DLGAP4: variants seen among roughly 807,000 people sequenced by gnomAD.
DLGAP4 encodes DLG associated protein 4, also known as disks large-associated protein 4.
A neutral mutation model predicts 86.9 loss-of-function variants in DLGAP4; 18 were observed. The ratio of observed to expected loss-of-function variants is 0.21; its 90% CI spans 0.14 to 0.31. The LOEUF is 0.31. DLGAP4 is among the 10% of genes least tolerant of loss of function. The probability of loss-of-function intolerance (pLI) is 1.00; values close to 1 mark genes in which losing one functional copy is unlikely to be tolerated. For synonymous variants in DLGAP4, 548 were observed against 574.3 expected, an observed-to-expected ratio of 0.95 and a Z score of 0.65; for missense variants, 1,085 against 1,362.6, an observed-to-expected ratio of 0.80 and a Z score of 3.21.
At chr20:36,327,223 C>T (rs1555891053) in intron 1 of DLGAP4, among the ~76,000 whole-genome samples, 1 of 152,014 alleles carries the variant, frequency 6.6e-6, no homozygotes. Flanking sequence ...TGGTCTTGAA[C>T]TCCTGACCTC....
chr20:36,461,902 T>C (rs1261315648), intron 7 of DLGAP4: 3 of 984,874 alleles, frequency 3.0e-6, no homozygotes, highest in Non-Finnish European at 3.6e-6. Context: ...GCTCCCCATC[T>C]CGGGTCCCCT....
At chr20:36,326,463 C>T (rs1555891008) in intron 1 of DLGAP4, among the ~76,000 whole-genome samples, 1 of 152,124 alleles carries the variant, frequency 6.6e-6, no homozygotes, top group South Asian at 2.1e-4. Flanking sequence ...TATATCAGTT[C>T]ATGTATAGTA....
At chr20:36,338,848 C>T (rs1555892272) in intron 1 of DLGAP4, among the ~76,000 whole-genome samples, 1 of 152,096 alleles carries the variant, frequency 6.6e-6, no homozygotes, top group African/African-American at 2.4e-5. Flanking sequence ...TGACAGCCAC[C>T]CAGGTGAAGA....
chr20:36,418,538 A>G (rs1368383130), intron 2 of DLGAP4, among the ~76,000 whole-genome samples: 2 of 152,156 alleles, frequency 1.3e-5, no homozygotes, highest in African/African-American at 2.4e-5. Context: ...CACAAAGATG[A>G]GTGCTGCGTA....
At chr20:36,359,745 C>G (rs1312538027) in intron 1 of DLGAP4, among the ~76,000 whole-genome samples, 1 of 152,214 alleles carries the variant, frequency 6.6e-6, no homozygotes, top group African/African-American at 2.4e-5. Context: ...TGAGAGACTG[C>G]ACAGGCTGTT....
chr20:36,526,740 T>TGGTGG (rs2037793517), intron 12 of DLGAP4, 73 bp from the exon 13 acceptor site: 1 of 1,388,220 alleles, frequency 7.2e-7, no homozygotes, highest in Non-Finnish European at 9.7e-7. Flanking sequence ...TGCCGGCATA[T>TGGTGG]GGTGGGGGTA....
intron 2 of DLGAP4, among the ~76,000 whole-genome samples, chr20:36,402,991 C>G (rs187424496): frequency 2.6e-4 from 40 of 152,206 alleles, no homozygotes; most frequent in African/African-American, 9.6e-4. Flanking sequence ...TGAGTAGAAA[C>G]CTAGAGCCTT....
intron 11 of DLGAP4, 66 bp downstream of exon 11, chr20:36,524,407 A>G: frequency 7.4e-7 from 1 of 1,357,744 alleles, no homozygotes; most frequent in Non-Finnish European, 1.0e-6. Context: ...ATACTCTGCC[A>G]GCCCCTCGAA....
chr20:36,509,825 A>C (rs1272660338), intron 10 of DLGAP4, among the ~76,000 whole-genome samples: 1 of 152,122 alleles, frequency 6.6e-6, no homozygotes, highest in Non-Finnish European at 1.5e-5. Flanking sequence ...GCCTATTATA[A>C]TATGACGAAT....
At chr20:36,422,871 A>G (rs2032867381) in intron 2 of DLGAP4, among the ~76,000 whole-genome samples, 2 of 152,194 alleles carry the variant, frequency 1.3e-5, no homozygotes, top group African/African-American at 2.4e-5. Context: ...GGGCCTAAGT[A>G]TAGCTCATTG....
chr20:36,511,800 G>A (rs139900200), intron 10 of DLGAP4, among the ~76,000 whole-genome samples: 7,099 of 150,496 alleles, frequency 0.047, 583 homozygotes, highest in African/African-American at 0.16. Flanking sequence ...ACTTGAACCC[G>A]GGAGGTGGAG....
intron 2 of DLGAP4, among the ~76,000 whole-genome samples, chr20:36,367,998 T>A (rs79205080): frequency 1.3e-5 from 2 of 152,322 alleles, no homozygotes; most frequent in Non-Finnish European, 2.9e-5. Context: ...AAGCACTACA[T>A]GGGGCCACTG....
At chr20:36,494,777 A>T (rs6022864) in intron 7 of DLGAP4, among the ~76,000 whole-genome samples, 8,703 of 152,044 alleles carry the variant, frequency 0.057, 880 homozygotes, top group African/African-American at 0.2. Context: ...CCTAGTGACC[A>T]CCTCTGCCCT....
intron 1 of DLGAP4, among the ~76,000 whole-genome samples, chr20:36,343,363 A>G (rs1338824926): frequency 6.6e-6 from 1 of 152,094 alleles, no homozygotes; most frequent in African/African-American, 2.4e-5. Flanking sequence ...GTAGTGACCA[A>G]TTTTAATGTC....
chr20:36,453,204 G>A (rs985023099), intron 7 of DLGAP4, among the ~76,000 whole-genome samples: 3 of 152,178 alleles, frequency 2.0e-5, no homozygotes, highest in African/African-American at 4.8e-5. Flanking sequence ...TGCTGAGCAC[G>A]GTGCTATAAT....
chr20:36,323,175 CAA>C (rs1164348704), intron 1 of DLGAP4, among the ~76,000 whole-genome samples: 10 of 35,400 alleles, frequency 2.8e-4, no homozygotes, highest in East Asian at 2.5e-3. Context: ...GACCCTATCT[CAA>C]AAAAAAAAAA....
chr20:36,360,379 C>A (rs1555894124), intron 1 of DLGAP4, among the ~76,000 whole-genome samples: 2 of 152,220 alleles, frequency 1.3e-5, no homozygotes. Context: ...CACTCCTCAT[C>A]TTCTGGTCAA....
chr20:36,374,114 C>T (rs546434336), intron 2 of DLGAP4, among the ~76,000 whole-genome samples: 1 of 151,894 alleles, frequency 6.6e-6, no homozygotes, highest in Non-Finnish European at 1.5e-5. Context: ...AGGCAGCCTT[C>T]GACTTTCCTG....
At chr20:36,354,839 G>A (rs2030273132) in intron 1 of DLGAP4, among the ~76,000 whole-genome samples, 1 of 151,986 alleles carries the variant, frequency 6.6e-6, no homozygotes, top group South Asian at 2.1e-4. Context: ...CTACTCAGGA[G>A]GCTGAGGTGA....
Sources: allele counts gnomAD v4.1 joint callset (sites outside exome capture counted in the v4.1 genomes callset), GRCh38; gene constraint gnomAD v4.1.1; transcripts MANE v1.5; gene names NCBI Gene and HGNC (gene_info 2026-07-23, HGNC 2026-07-21).